Variants in AKT3 observed in about 807,000 individuals in gnomAD.
AKT3 encodes the protein RAC-gamma serine/threonine-protein kinase.
Under a neutral mutation model 65.3 loss-of-function variants are expected in AKT3, and 15 were observed. The observed-to-expected ratio is 0.23, with a 90% CI of 0.15 to 0.35. The LOEUF is 0.35. Among genes scored for constraint, AKT3 ranks in the 10% least tolerant of loss-of-function variants. The pLI is 1.00. For synonymous variants in AKT3, 206 were observed against 183.8 expected (o/e 1.12, Z -0.98); for missense variants, 243 against 576.5 (o/e 0.42, Z 5.92).
intron 2 of AKT3, among the ~76,000 whole-genome samples, chr1:243,741,132 A>AC (rs1688128574): frequency 6.6e-6 from 1 of 152,190 alleles, no homozygotes; most frequent in African/African-American, 2.4e-5. Context: ...AAGAACACTA[A>AC]CAGTATAAAC....
At chr1:243,770,455 A>T (rs1291991213) in intron 2 of AKT3, among the ~76,000 whole-genome samples, 1 of 152,138 alleles carries the variant, frequency 6.6e-6, no homozygotes, top group Non-Finnish European at 1.5e-5. Flanking sequence ...TTGCCATAGT[A>T]TCATACTTTT....
At chr1:243,743,366 T>C (rs1688283598) in intron 2 of AKT3, among the ~76,000 whole-genome samples, 2 of 152,348 alleles carry the variant, frequency 1.3e-5, no homozygotes, top group Admixed American at 1.3e-4. Flanking sequence ...GAAAAACCAC[T>C]GTTTGTTTAA....
At chr1:243,782,528 C>A (rs553419031) in intron 2 of AKT3, among the ~76,000 whole-genome samples, 1 of 152,234 alleles carries the variant, frequency 6.6e-6, no homozygotes, top group East Asian at 1.9e-4. Flanking sequence ...GACCTAATCA[C>A]CTCACCCAAA....
In AKT3 at chr1:243,500,010, T is replaced by C. The variant is rs1210123519; in HGVS notation, c.*5239A>G. The C allele has an allele frequency of 3.4e-6, 2 of 587,794 alleles. No individual in the cohort carries two copies. The highest frequency in any genetic ancestry group is 3.7e-5 in the African/African-American group (2 of 53,904). The allele number at this position is 587,794 out of a possible 1,614,324, so 36.4% of individuals were successfully genotyped here. A position where few individuals can be genotyped will look rare whatever the true frequency, so the allele number is the denominator to read the frequency against. The stretch of plus-strand genomic sequence containing the variant: ...AGCTCCTGGTGTATGTTTTCAGAAA[T>C]GGCTTGAAGTTATGTGTTTAAATCT... On this transcript the variant is annotated 3_prime_UTR_variant, in exon 14 of 14. Transcript: ENST00000673466.
intron 8 of AKT3, among the ~76,000 whole-genome samples, chr1:243,576,186 C>T (rs745963758): frequency 1.3e-5 from 2 of 152,164 alleles, no homozygotes; most frequent in South Asian, 2.1e-4. Context: ...AATTCAACAT[C>T]GCTTCATGTT....
chr1:243,819,587 TA>T, intron 2 of AKT3, among the ~76,000 whole-genome samples: 1 of 152,192 alleles, frequency 6.6e-6, no homozygotes, highest in East Asian at 1.9e-4. Flanking sequence ...GGAATCCAGG[TA>T]GTCCAGAGGA....
intron 4 of AKT3, among the ~76,000 whole-genome samples, chr1:243,653,307 A>G (rs1164812883): frequency 6.6e-6 from 1 of 152,230 alleles, no homozygotes; most frequent in Admixed American, 6.5e-5. Flanking sequence ...GAGAAGTTGA[A>G]TCCCTGAATA....
intron 12 of AKT3, among the ~76,000 whole-genome samples, chr1:243,536,790 T>C (rs145769103): frequency 6.6e-6 from 1 of 152,326 alleles, no homozygotes; most frequent in East Asian, 1.9e-4. Flanking sequence ...AGACACTAAT[T>C]GTAAGGCTTA....
Position 243,544,274 on chromosome 1 carries a change from G to C in AKT3, c.1251+1236C>G, listed in dbSNP as rs1409686312. ...AAAAAAAAAAAAAAAAGCAGGGGGA[G>C]GGGGGGACAGACATAATAATTTCCT... On this transcript the variant is annotated intron_variant, in intron 12 of 13. Transcript: ENST00000673466. Among the ~76,000 whole-genome samples, 13 of 147,704 alleles carry C rather than the reference G, an allele frequency of 8.8e-5. No individual in the cohort carries two copies. The South Asian group carries it at 1.1e-3, about 12-fold the overall frequency.
chr1:243,698,715 T>A (rs187775742), intron 2 of AKT3, among the ~76,000 whole-genome samples: 1 of 152,218 alleles, frequency 6.6e-6, no homozygotes, highest in East Asian at 1.9e-4. Context: ...GTATTATTTC[T>A]CACAAACTTT....
At chr1:243,799,728 T>C (rs1692262472) in intron 2 of AKT3, among the ~76,000 whole-genome samples, 3 of 152,228 alleles carry the variant, frequency 2.0e-5, no homozygotes, top group Admixed American at 1.3e-4. Flanking sequence ...TAGTCTAGGT[T>C]TAAAGAGCTT....
intron 8 of AKT3, among the ~76,000 whole-genome samples, chr1:243,606,287 C>A (rs959136219): frequency 2.6e-5 from 4 of 152,166 alleles, no homozygotes; most frequent in Admixed American, 1.3e-4. Context: ...CAAAAGAAGA[C>A]AGAAAAACGT....
intron 12 of AKT3, among the ~76,000 whole-genome samples, chr1:243,537,356 G>C (rs1265561712): frequency 6.6e-6 from 1 of 151,944 alleles, no homozygotes; most frequent in Non-Finnish European, 1.5e-5. Context: ...TTAACTCCCA[G>C]AAGTGCTATA....
chr1:243,488,598 C>T (rs533587050), intron 13 of AKT3: 1 of 248,532 alleles, frequency 4.0e-6, no homozygotes, highest in Non-Finnish European at 8.0e-6. Context: ...TAATGGAAAA[C>T]CCTTACTTCA....
chr1:243,568,580 TA>T (rs1244159825), intron 9 of AKT3, among the ~76,000 whole-genome samples: 1 of 152,194 alleles, frequency 6.6e-6, no homozygotes, highest in African/African-American at 2.4e-5. Flanking sequence ...GGTAGATTTT[TA>T]AATCTTTTTT....
intron 12 of AKT3, among the ~76,000 whole-genome samples, chr1:243,533,604 T>C (rs994666167): frequency 1.3e-5 from 2 of 152,056 alleles, no homozygotes; most frequent in African/African-American, 4.8e-5. Flanking sequence ...GAGGGAAAAA[T>C]GTTGCCTTAT....
intron 2 of AKT3, among the ~76,000 whole-genome samples, chr1:243,783,081 A>T (rs1266056898): frequency 6.6e-6 from 1 of 152,214 alleles, no homozygotes; most frequent in East Asian, 1.9e-4. Flanking sequence ...CTCAATCCCC[A>T]GTTCCTAAAA....
At chr1:243,590,770 G>A (rs1676169633) in intron 8 of AKT3, among the ~76,000 whole-genome samples, 1 of 152,140 alleles carries the variant, frequency 6.6e-6, no homozygotes, top group Admixed American at 6.6e-5. Context: ...AAGCCTCAGT[G>A]ACCTGTTGGA....
chr1:243,786,171 C>G (rs1028133656), intron 2 of AKT3, among the ~76,000 whole-genome samples: 1 of 152,150 alleles, frequency 6.6e-6, no homozygotes. Flanking sequence ...AATGCACTGA[C>G]CTAAGGTTAT....
Sources: gnomAD v4.1 joint callset for allele counts (sites outside exome capture counted in the v4.1 genomes callset) on GRCh38, gnomAD v4.1.1 for gene constraint, MANE v1.5 for transcripts, NCBI Gene and HGNC (gene_info 2026-07-23, HGNC 2026-07-21) for gene names.